PDGFC: variants seen among roughly 807,000 people sequenced by gnomAD.
PDGFC encodes platelet-derived growth factor C.
Under a neutral mutation model 35.5 loss-of-function variants are expected in PDGFC, and 12 were observed. The observed-to-expected ratio is 0.34, with a 90% CI of 0.22 to 0.55. The LOEUF (loss-of-function observed/expected upper bound fraction) is 0.55. PDGFC is among the 20% of genes least tolerant of loss of function. The pLI is 0.91. For missense variants in PDGFC, 322 were observed against 412.4 expected (o/e 0.78, Z 1.90); for synonymous variants, 159 against 148.8 (o/e 1.07, Z -0.50).
At chr4:156,850,492 TCA>T (rs1729428071) in intron 1 of PDGFC, 76 bp from the exon 2 acceptor site, 3 of 765,892 alleles carry the variant, frequency 3.9e-6, no homozygotes, top group Non-Finnish European at 6.1e-6. Flanking sequence ...TGTTTATTAT[TCA>T]CACTTTACCT....
intron 1 of PDGFC, among the ~76,000 whole-genome samples, chr4:156,859,739 T>C (rs1729664983): frequency 1.3e-5 from 2 of 152,144 alleles, no homozygotes; most frequent in African/African-American, 2.4e-5. Context: ...ATTAAAACCA[T>C]AAATTAATAA....
chr4:156,881,576 A>G (rs556012044), intron 1 of PDGFC, among the ~76,000 whole-genome samples: 57 of 152,244 alleles, frequency 3.7e-4, no homozygotes, highest in African/African-American at 6.7e-4. Context: ...GGCTTAAAAA[A>G]TGGGAGTTAC....
chr4:156,904,841 A>C (rs1730876010), intron 1 of PDGFC, among the ~76,000 whole-genome samples: 1 of 152,150 alleles, frequency 6.6e-6, no homozygotes, highest in Non-Finnish European at 1.5e-5. Context: ...CTGATTGCCT[A>C]TCCCCACTGC....
intron 3 of PDGFC, among the ~76,000 whole-genome samples, chr4:156,779,705 C>T (rs952896387): frequency 6.6e-6 from 1 of 152,128 alleles, no homozygotes; most frequent in African/African-American, 2.4e-5. Context: ...ACTAAGTAGA[C>T]CTTCTTACCA....
intron 1 of PDGFC, among the ~76,000 whole-genome samples, chr4:156,955,062 T>A (rs1393528696): frequency 6.6e-6 from 1 of 152,046 alleles, no homozygotes; most frequent in African/African-American, 2.4e-5. Context: ...TCTGAGAGTT[T>A]AGAGAAGAGA....
intron 1 of PDGFC, among the ~76,000 whole-genome samples, chr4:156,942,319 A>G (rs1221710857): frequency 6.6e-6 from 1 of 152,080 alleles, no homozygotes; most frequent in Non-Finnish European, 1.5e-5. Context: ...AATGTACTTT[A>G]TTTTTCTAGC....
At chr4:156,776,289 A>G (rs1730827232) in intron 3 of PDGFC, among the ~76,000 whole-genome samples, 1 of 152,216 alleles carries the variant, frequency 6.6e-6, no homozygotes, top group Non-Finnish European at 1.5e-5. Context: ...TAAACTGGTT[A>G]GAATATGCAA....
At chr4:156,873,108 G>GA in intron 1 of PDGFC, among the ~76,000 whole-genome samples, 1 of 152,328 alleles carries the variant, frequency 6.6e-6, no homozygotes, top group East Asian at 1.9e-4. Flanking sequence ...GGACTACAGA[G>GA]AAAGACCCTG....
intron 1 of PDGFC, among the ~76,000 whole-genome samples, chr4:156,909,028 G>T (rs981277866): frequency 6.6e-6 from 1 of 152,144 alleles, no homozygotes. Context: ...TACAGAATAG[G>T]TAATTTCTAC....
chr4:156,967,706 C>T (rs1289038913), intron 1 of PDGFC: 2 of 152,142 alleles, frequency 1.3e-5, no homozygotes, highest in Non-Finnish European at 2.9e-5. Flanking sequence ...CTCAGAAGCA[C>T]CGTCCCAGAA....
chr4:156,891,834 G>C (rs192431795), intron 1 of PDGFC, among the ~76,000 whole-genome samples: 43 of 152,324 alleles, frequency 2.8e-4, no homozygotes, highest in Admixed American at 1.4e-3. Context: ...CAAAGGTAAA[G>C]CTTTGATTAC....
intron 3 of PDGFC, among the ~76,000 whole-genome samples, chr4:156,801,335 C>T (rs1474102741): frequency 6.6e-6 from 1 of 152,156 alleles, no homozygotes; most frequent in African/African-American, 2.4e-5. Context: ...AAGCTCCAGC[C>T]TCCTGTTTAG....
chr4:156,939,060 T>G (rs1731747306), intron 1 of PDGFC, among the ~76,000 whole-genome samples: 1 of 151,996 alleles, frequency 6.6e-6, no homozygotes, highest in Admixed American at 6.6e-5. Context: ...TTCAGTATTG[T>G]CCATGAATGC....
chr4:156,831,963 T>C (rs1156642956), intron 2 of PDGFC, among the ~76,000 whole-genome samples: 3 of 152,110 alleles, frequency 2.0e-5, no homozygotes, highest in African/African-American at 4.8e-5. Context: ...ACTTGCTGGG[T>C]TTTAATTCCA....
chr4:156,805,252 A>G (rs1369934252), intron 3 of PDGFC, among the ~76,000 whole-genome samples: 1 of 152,054 alleles, frequency 6.6e-6, no homozygotes, highest in African/African-American at 2.4e-5. Flanking sequence ...ATATACAAGT[A>G]TATTGTATAT....
intron 1 of PDGFC, among the ~76,000 whole-genome samples, chr4:156,912,684 T>C (rs537660349): frequency 2.6e-5 from 4 of 152,256 alleles, no homozygotes; most frequent in South Asian, 2.1e-4. Flanking sequence ...TTAAATAAAA[T>C]GAATCATCAT....
At chr4:156,883,619 C>T (rs908197523) in intron 1 of PDGFC, among the ~76,000 whole-genome samples, 1 of 152,162 alleles carries the variant, frequency 6.6e-6, no homozygotes, top group Non-Finnish European at 1.5e-5. Flanking sequence ...AGAATACCGC[C>T]AGTGACCATT....
At chr4:156,845,247 C>T (rs1729297917) in intron 2 of PDGFC, among the ~76,000 whole-genome samples, 1 of 151,318 alleles carries the variant, frequency 6.6e-6, no homozygotes, top group African/African-American at 2.4e-5. Context: ...TACACAATAT[C>T]TATAAAGAAA....
intron 1 of PDGFC, among the ~76,000 whole-genome samples, chr4:156,954,818 C>T (rs1732168887): frequency 6.6e-6 from 1 of 151,950 alleles, no homozygotes; most frequent in Non-Finnish European, 1.5e-5. Flanking sequence ...AGGCATATGA[C>T]TCGTTTAGAA....
Sources: allele counts gnomAD v4.1 joint callset (sites outside exome capture counted in the v4.1 genomes callset), GRCh38; gene constraint gnomAD v4.1.1; transcripts MANE v1.5; gene names NCBI Gene and HGNC (gene_info 2026-07-23, HGNC 2026-07-21).